NHSL1: variants seen among roughly 807,000 people sequenced by gnomAD.
NHSL1 encodes NHS-like protein 1.
NHSL1 carries 48 observed loss-of-function variants against 95.0 expected under a neutral mutation model. The ratio of observed to expected loss-of-function variants is 0.51; its 90% CI spans 0.40 to 0.64. The LOEUF (loss-of-function observed/expected upper bound fraction) is 0.64. Among genes scored for constraint, NHSL1 ranks in the 30% least tolerant of loss-of-function variants. The pLI is 0.00. For synonymous variants in NHSL1, 783 were observed against 833.9 expected (o/e 0.94, Z 1.05); for missense variants, 1,971 against 2,077.7 (o/e 0.95, Z 1.00).
At chr6:138,525,588 G>T (rs1298640358) in intron 1 of NHSL1, among the ~76,000 whole-genome samples, 4 of 151,162 alleles carry the variant, frequency 2.6e-5, no homozygotes, top group Non-Finnish European at 4.4e-5. Flanking sequence ...AAAAGGGAAA[G>T]ATGCAGTCCT....
chr6:138,435,347 A>G (rs1261666991), intron 5 of NHSL1: 1 of 152,972 alleles, frequency 6.5e-6, no homozygotes, highest in Non-Finnish European at 1.5e-5. Context: ...GCATGGAGTT[A>G]GTGGTAGATT....
At chr6:138,502,939 A>G (rs1383655742), upstream of NHSL1, among the ~76,000 whole-genome samples, 3 of 152,184 alleles carry the variant, frequency 2.0e-5, no homozygotes, top group African/African-American at 7.2e-5. Flanking sequence ...ATAAAGGGCC[A>G]TGCTTTCATG....
At chr6:138,691,898 GA>G (rs1318625916) in intron 1 of NHSL1, 12 of 456,562 alleles carry the variant, frequency 2.6e-5, no homozygotes, top group Admixed American at 2.6e-4. Flanking sequence ...TCTGGGAGAA[GA>G]AAGAAAATTC....
rs964714330 is a variant in NHSL1, at chr6:138,422,295, C to G, written c.*1786G>C. Reference sequence around the variant, plus strand: ...ACGATCTTTGTGCCAAATTAGTAGACAATTGCTCCAAATCTCTGGTCTTGA... The same window carrying G: ...ACGATCTTTGTGCCAAATTAGTAGAGAATTGCTCCAAATCTCTGGTCTTGA... On this transcript the variant is annotated 3_prime_UTR_variant, in exon 8 of 8. Coordinates refer to ENST00000343505, the MANE Select transcript of NHSL1 (RefSeq NM_001144060.2). The G allele has an allele frequency of 4.6e-5, 7 of 152,164 alleles. No homozygotes were observed. The highest frequency in any genetic ancestry group is 1.0e-4 in the Non-Finnish European group (7 of 68,042). The allele number at this position is 152,164 out of a possible 1,614,324, so 9.4% of individuals were successfully genotyped here.
At chr6:138,569,110 A>T (rs1405123342) in intron 1 of NHSL1, among the ~76,000 whole-genome samples, 2 of 152,020 alleles carry the variant, frequency 1.3e-5, no homozygotes, top group Non-Finnish European at 2.9e-5. Context: ...GCTGGAGGGG[A>T]GGGAGAACGC....
intron 1 of NHSL1, among the ~76,000 whole-genome samples, chr6:138,668,750 C>A (rs1185760043): frequency 6.6e-6 from 1 of 151,384 alleles, no homozygotes; most frequent in Middle Eastern, 3.2e-3. Flanking sequence ...CAGTCTCCCG[C>A]GTAGCTGGGA....
intron 1 of NHSL1, among the ~76,000 whole-genome samples, chr6:138,634,383 AAAAC>A (rs1230659345): frequency 1.3e-5 from 2 of 151,376 alleles, no homozygotes; most frequent in African/African-American, 2.4e-5. Context: ...CATGCCAACA[AAAAC>A]AAACAAAAAG....
chr6:138,580,183 A>G (rs1359007851), intron 1 of NHSL1, among the ~76,000 whole-genome samples: 2 of 152,190 alleles, frequency 1.3e-5, no homozygotes, highest in East Asian at 3.8e-4. Context: ...AGAAACGGCA[A>G]AGAGCCCAGT....
chr6:138,623,178 A>T (rs894981284), intron 1 of NHSL1, among the ~76,000 whole-genome samples: 1 of 152,174 alleles, frequency 6.6e-6, no homozygotes, highest in African/African-American at 2.4e-5. Context: ...TGTGGGCAAA[A>T]GGCCAGTTTA....
chr6:138,569,690 T>C (rs1302407041), intron 1 of NHSL1, among the ~76,000 whole-genome samples: 1 of 152,212 alleles, frequency 6.6e-6, no homozygotes, highest in African/African-American at 2.4e-5. Flanking sequence ...AAGGAAGGAA[T>C]TGTGTGGAAT....
rs76078589 is a variant in NHSL1, at chr6:138,564,897, G to A, written c.202+6813C>T. Among the ~76,000 whole-genome samples the A allele has an allele frequency of 8.7e-3, 1,321 of 152,242 alleles. 18 individuals are homozygous for A. Among genetic ancestry groups the A allele is most frequent in the African/African-American group, 0.03 (1,261 of 41,530 alleles). The stretch of plus-strand genomic sequence containing the variant: ...TAGGAGGTCAACAGGCAGGGGAGGC[G>A]ACTCGAGCACCCTGGCACAGGGAAT... On this transcript the variant is annotated intron_variant, in intron 1 of 6. Transcript: ENST00000427025.
intron 2 of NHSL1, among the ~76,000 whole-genome samples, chr6:138,487,730 C>T (rs1247408600): frequency 2.0e-5 from 3 of 152,136 alleles, no homozygotes; most frequent in Admixed American, 6.5e-5. Context: ...TGCAGCTTAC[C>T]ACTGACAACA....
chr6:138,629,952 A>T (rs567768326), intron 1 of NHSL1, among the ~76,000 whole-genome samples: 3 of 152,346 alleles, frequency 2.0e-5, no homozygotes, highest in African/African-American at 7.2e-5. Flanking sequence ...CAAAGTAGAC[A>T]AACCAAAGTT....
At chr6:138,692,893 C>T (rs969479675), upstream of NHSL1, among the ~76,000 whole-genome samples, 9 of 151,026 alleles carry the variant, frequency 6.0e-5, no homozygotes, top group African/African-American at 9.7e-5. This position sits in a 1 kb window ranked among gnomAD's most constrained non-coding sequence, Gnocchi z 4.0. Context: ...GCGGCCCCTG[C>T]CCGCAGGGGA....
chr6:138,475,443 G>T (rs1205062976), intron 2 of NHSL1, among the ~76,000 whole-genome samples: 21 of 151,784 alleles, frequency 1.4e-4, no homozygotes, highest in Admixed American at 1.4e-3. Context: ...ACCTAGGCTG[G>T]TCTTAAACTC....
At chr6:138,515,496 A>T (rs1393392171) in intron 1 of NHSL1, among the ~76,000 whole-genome samples, 5 of 152,160 alleles carry the variant, frequency 3.3e-5, no homozygotes, top group African/African-American at 1.2e-4. Context: ...TTTTTCACTT[A>T]TTTATGGCTT....
intron 1 of NHSL1, among the ~76,000 whole-genome samples, chr6:138,588,867 G>T (rs550452771): frequency 1.3e-5 from 2 of 152,250 alleles, no homozygotes; most frequent in South Asian, 4.2e-4. Context: ...TAGTATCCCT[G>T]CCTGTTCGAA....
At chr6:138,629,901 A>G (rs1034464401) in intron 1 of NHSL1, among the ~76,000 whole-genome samples, 2 of 152,268 alleles carry the variant, frequency 1.3e-5, no homozygotes, top group African/African-American at 4.8e-5. Flanking sequence ...AACACATTAC[A>G]TATTTTTCAG....
intron 1 of NHSL1, among the ~76,000 whole-genome samples, chr6:138,677,777 C>T (rs1034220130): frequency 1.3e-5 from 2 of 152,178 alleles, no homozygotes; most frequent in African/African-American, 4.8e-5. Context: ...GTTAGAATCA[C>T]CTGGAGGACT....
Sources: allele counts gnomAD v4.1 joint callset (sites outside exome capture counted in the v4.1 genomes callset), GRCh38; gene constraint gnomAD v4.1.1; non-coding constraint Gnocchi (gnomAD v3.1); transcripts MANE v1.5; gene names NCBI Gene and HGNC (gene_info 2026-07-23, HGNC 2026-07-21).